GRM5: variants seen among roughly 807,000 people sequenced by gnomAD.
GRM5 encodes the protein metabotropic glutamate receptor 5.
In GRM5, 19 loss-of-function variants were observed where a neutral mutation model predicts 83.1. The ratio of observed to expected loss-of-function variants is 0.23; its 90% CI spans 0.16 to 0.34. GRM5 has a LOEUF of 0.34. Ranked by LOEUF, GRM5 falls within the 10% of genes least tolerant of loss-of-function variation. GRM5 has a pLI of 1.00. For synonymous variants in GRM5, 675 were observed against 633.6 expected (o/e 1.07, Z -0.98); for missense variants, 1,160 against 1,588.3 (o/e 0.73, Z 4.58).
chr11:88,812,291 A>C (rs995188738), intron 3 of GRM5, among the ~76,000 whole-genome samples: 3 of 107,792 alleles, frequency 2.8e-5, no homozygotes, highest in African/African-American at 1.8e-4. Flanking sequence ...AAAAATTGAG[A>C]TAATTATAGT....
intron 2 of GRM5, among the ~76,000 whole-genome samples, chr11:88,931,183 C>T (rs909658128): frequency 5.3e-5 from 8 of 151,486 alleles, no homozygotes; most frequent in Non-Finnish European, 1.2e-4. Context: ...TTTAGTGATT[C>T]TCCAATGAGT....
chr11:88,681,449 C>T (rs781311628), intron 3 of GRM5, among the ~76,000 whole-genome samples: 1 of 150,822 alleles, frequency 6.6e-6, no homozygotes, highest in African/African-American at 2.4e-5. Context: ...CTTCTCTTAG[C>T]TTTTGTATCC....
chr11:88,713,405 A>C (rs1941325044), intron 3 of GRM5, among the ~76,000 whole-genome samples: 1 of 152,052 alleles, frequency 6.6e-6, no homozygotes, highest in Non-Finnish European at 1.5e-5. Flanking sequence ...TATGAAGATG[A>C]AACAAGTTTG....
intron 3 of GRM5, among the ~76,000 whole-genome samples, chr11:88,831,529 T>C (rs1225638232): frequency 6.6e-6 from 1 of 152,176 alleles, no homozygotes; most frequent in Non-Finnish European, 1.5e-5. Context: ...AGCATGTACC[T>C]ATTTGGGACC....
chr11:88,761,155 C>G (rs544214146), intron 3 of GRM5, among the ~76,000 whole-genome samples: 70 of 152,234 alleles, frequency 4.6e-4, no homozygotes, highest in Non-Finnish European at 8.5e-4. Flanking sequence ...TGAGGATGCC[C>G]TCTCTCACCA....
intron 2 of GRM5, among the ~76,000 whole-genome samples, chr11:88,975,405 AAC>A (rs1397050314): frequency 6.6e-6 from 1 of 152,202 alleles, no homozygotes; most frequent in African/African-American, 2.4e-5. Flanking sequence ...GTCTTGTTAA[AAC>A]ACAGATTTTC....
intron 3 of GRM5, among the ~76,000 whole-genome samples, chr11:88,731,607 G>A (rs1296030276): frequency 6.6e-6 from 1 of 151,984 alleles, no homozygotes; most frequent in Non-Finnish European, 1.5e-5. Context: ...GACTAGGAGT[G>A]ACATTATTGA....
rs1352525811 is a variant in GRM5 at position 88,612,102 on chromosome 11, T to A, written c.1148-7138A>T. 4.1e-5 allele frequency among the ~76,000 whole-genome samples: 6 copies of A among 148,024 alleles called. No homozygotes were observed. In the South Asian group the frequency reaches 6.5e-4, roughly 16 times the overall value. ...ATCTAGCATTAGGTATATCTCCCGA[T>A]GCTATCCCTCCCCCCTCCCCCCATC... On this transcript the variant is annotated intron_variant, in intron 4 of 9. Transcript: ENST00000305447.
chr11:88,785,880 T>C (rs1026494973), intron 3 of GRM5, among the ~76,000 whole-genome samples: 3 of 152,148 alleles, frequency 2.0e-5, no homozygotes, highest in African/African-American at 7.2e-5. Context: ...AACAAGCTGA[T>C]ACTTGATGTG....
chr11:88,731,111 C>T (rs530541725), intron 3 of GRM5, among the ~76,000 whole-genome samples: 6 of 152,126 alleles, frequency 3.9e-5, no homozygotes, highest in Non-Finnish European at 7.4e-5. Flanking sequence ...TTCTATTATC[C>T]ACAAAAAATG....
chr11:88,537,901 C>T (rs1942172262), intron 8 of GRM5, among the ~76,000 whole-genome samples: 1 of 152,050 alleles, frequency 6.6e-6, no homozygotes, highest in Non-Finnish European at 1.5e-5. Flanking sequence ...TGCCAGGTAA[C>T]ATATTTCACT....
At position 89,047,179 on chromosome 11, in the gene GRM5, AAT is replaced by A; in HGVS notation, c.661+31_661+32del. On this transcript the variant is annotated intron_variant, in intron 2 of 9. Transcript: ENST00000305447. The surrounding 1 kb of genome is among the most constrained non-coding windows in gnomAD (Gnocchi z 5.1). ...AAATTGTAACTGTTGAGTGCATAATAATATATACTCGATGTATGCAAAGGAAA... is the reference window on the plus strand; with the variant it reads ...AAATTGTAACTGTTGAGTGCATAATAATATACTCGATGTATGCAAAGGAAA... 1 of 1,489,712 alleles carries A rather than the reference AAT, an allele frequency of 6.7e-7. No individual in the cohort carries two copies. The highest frequency in any genetic ancestry group is 1.4e-5 in the African/African-American group (1 of 72,010). 92.3% of individuals were successfully genotyped at this position (1,489,712 alleles called of 1,614,324 possible).
intron 7 of GRM5, among the ~76,000 whole-genome samples, chr11:88,585,979 C>T (rs1350924351): frequency 6.6e-6 from 1 of 152,088 alleles, no homozygotes; most frequent in African/African-American, 2.4e-5. Flanking sequence ...TATTTGTCTA[C>T]CTAATTCTGG....
At chr11:88,589,873 G>C (rs1937609344) in intron 7 of GRM5, among the ~76,000 whole-genome samples, 1 of 151,872 alleles carries the variant, frequency 6.6e-6, no homozygotes, top group Non-Finnish European at 1.5e-5. Flanking sequence ...TTTTATTTTA[G>C]TGGTAGGAAA....
intron 2 of GRM5, among the ~76,000 whole-genome samples, chr11:88,917,645 A>G (rs1379050479): frequency 6.6e-6 from 1 of 152,182 alleles, no homozygotes; most frequent in African/African-American, 2.4e-5. Flanking sequence ...GATTAAAATA[A>G]TCTTAAAAAC....
chr11:89,001,515 G>A (rs1565329899), intron 2 of GRM5, among the ~76,000 whole-genome samples: 1 of 152,118 alleles, frequency 6.6e-6, no homozygotes, highest in Non-Finnish European at 1.5e-5. Flanking sequence ...TATAGGAATG[G>A]AGAACAGGTT....
Position 89,047,998 on chromosome 11 carries a change from TG to T in GRM5, c.-127del. 1 of 680,926 alleles carries T rather than the reference TG, an allele frequency of 1.5e-6. No homozygotes were observed. Among genetic ancestry groups the T allele is most frequent in the South Asian group, 1.9e-5 (1 of 53,196 alleles). 42.2% of individuals were successfully genotyped at this position (680,926 alleles called of 1,614,324 possible). A position where few individuals can be genotyped will look rare whatever the true frequency, so the allele number is the denominator to read the frequency against. ...TCAAGAAATTAGCCAGCAATTCAGA[TG>T]TATTTTCTAAAGGACCATTTTGTCC... On this transcript the variant is annotated 5_prime_UTR_variant, in exon 2 of 10. It introduces an in-frame stop codon into an upstream open reading frame of the 5' UTR. Coordinates refer to ENST00000305447, the MANE Select transcript of GRM5 (RefSeq NM_001143831.3). This position sits in a 1 kb window ranked among gnomAD's most constrained non-coding sequence, Gnocchi z 5.1.
rs577646216 is a variant in GRM5 at position 88,835,503 on chromosome 11, T to C, written c.911+14403A>G. Among the ~76,000 whole-genome samples the C allele has an allele frequency of 5.3e-4, 80 of 152,178 alleles. 2 individuals are homozygous for C. The highest frequency in any genetic ancestry group is 2.1e-4 in the South Asian group (1 of 4,836). ...TTTTAAATCTCACCTCTGAGTATCA[T>C]AGGAAGTGACTGGCAGATTTTAGGC... On this transcript the variant is annotated intron_variant, in intron 3 of 9. Transcript: ENST00000305447.
intron 7 of GRM5, among the ~76,000 whole-genome samples, chr11:88,588,368 T>G (rs142510699): frequency 0.013 from 2,049 of 152,200 alleles, 66 homozygotes; most frequent in Admixed American, 0.071. Flanking sequence ...CTCAAAATAA[T>G]AAACTGTGCC....
Sources: gnomAD v4.1 joint callset for allele counts (sites outside exome capture counted in the v4.1 genomes callset) on GRCh38, gnomAD v4.1.1 for gene constraint, Gnocchi (gnomAD v3.1) non-coding constraint, MANE v1.5 for transcripts, NCBI Gene and HGNC (gene_info 2026-07-23, HGNC 2026-07-21) for gene names.